Variants in ESRRG observed in about 807,000 individuals in gnomAD.
ESRRG encodes the protein estrogen-related receptor gamma.
In ESRRG, 13 loss-of-function variants were observed where a neutral mutation model predicts 44.0. The ratio of observed to expected loss-of-function variants is 0.30; its 90% CI spans 0.19 to 0.47. ESRRG has a LOEUF of 0.47. Ranked by LOEUF, ESRRG falls within the 20% of genes least tolerant of loss-of-function variation. The pLI is 1.00. For missense variants in ESRRG, 395 were observed against 580.6 expected, an observed-to-expected ratio of 0.68 and a Z score of 3.29; for synonymous variants, 215 against 214.6, an observed-to-expected ratio of 1.00 and a Z score of -0.02.
intron 1 of ESRRG, among the ~76,000 whole-genome samples, chr1:217,068,962 G>T (rs2090175167): frequency 6.6e-6 from 1 of 152,090 alleles, no homozygotes. Context: ...TTTGACTAGT[G>T]GTCTAACTTC....
chr1:216,520,246 G>C (rs1383142728), intron 5 of ESRRG, among the ~76,000 whole-genome samples: 1 of 152,114 alleles, frequency 6.6e-6, no homozygotes, highest in Non-Finnish European at 1.5e-5. Flanking sequence ...AAATTAACTT[G>C]TCTCTTAAAT....
At chr1:217,113,396 A>G (rs181864115) in intron 1 of ESRRG, among the ~76,000 whole-genome samples, 21 of 152,304 alleles carry the variant, frequency 1.4e-4, no homozygotes, top group Admixed American at 2.6e-4. Flanking sequence ...AGGAGTGTTC[A>G]TAGGAGTTAT....
At chr1:216,854,555 A>G (rs2813680) in intron 2 of ESRRG, among the ~76,000 whole-genome samples, 44,815 of 151,790 alleles carry the variant, frequency 0.3, 7,466 homozygotes, top group African/African-American at 0.45. Flanking sequence ...TAAATTTTGT[A>G]GAAAAGCCAG....
chr1:217,133,652 T>C (rs2093003300), intron 1 of ESRRG, among the ~76,000 whole-genome samples: 1 of 62,382 alleles, frequency 1.6e-5, no homozygotes, highest in African/African-American at 8.5e-5. Context: ...TCTCTCTTTC[T>C]TTCTTTCTTT....
chr1:216,777,405 G>T (rs2093655780), intron 2 of ESRRG, among the ~76,000 whole-genome samples: 1 of 152,082 alleles, frequency 6.6e-6, no homozygotes, highest in African/African-American at 2.4e-5. Context: ...ATGAAGAGCT[G>T]CCACAGATAT....
intron 2 of ESRRG, among the ~76,000 whole-genome samples, chr1:216,810,702 ATGTG>A (rs35354364): frequency 5.5e-5 from 8 of 145,396 alleles, no homozygotes; most frequent in Admixed American, 7.0e-5. Context: ...ACAAAAATGG[ATGTG>A]TGTGTGTGTG....
At chr1:216,779,870 C>A (rs895504328) in intron 2 of ESRRG, among the ~76,000 whole-genome samples, 1 of 151,564 alleles carries the variant, frequency 6.6e-6, no homozygotes, top group African/African-American at 2.4e-5. Context: ...TCAGTACTTT[C>A]ATCTGTTCAA....
intron 1 of ESRRG, among the ~76,000 whole-genome samples, chr1:216,966,946 C>T (rs1002908165): frequency 2.0e-5 from 3 of 152,172 alleles, no homozygotes; most frequent in African/African-American, 7.2e-5. Context: ...GCCCTACTTG[C>T]ATCTCATGCC....
chr1:216,614,242 G>T (rs1338012612), intron 3 of ESRRG, among the ~76,000 whole-genome samples: 1 of 152,198 alleles, frequency 6.6e-6, no homozygotes, highest in Admixed American at 6.5e-5. Flanking sequence ...CGCACTTACA[G>T]ATCAAACGGT....
intron 6 of ESRRG, 104 bp from the exon 7 acceptor site, chr1:216,507,287 T>C: frequency 1.3e-6 from 1 of 758,594 alleles, no homozygotes; most frequent in East Asian, 2.9e-5. Flanking sequence ...TTTGAACTTC[T>C]CTGAGCTTGA....
At chr1:217,127,802 G>T (rs2092911263) in intron 1 of ESRRG, among the ~76,000 whole-genome samples, 1 of 152,210 alleles carries the variant, frequency 6.6e-6, no homozygotes, top group Admixed American at 6.5e-5. Context: ...AATCTTGGGA[G>T]AATATCTGGT....
rs116507745 is a variant in ESRRG, at chr1:216,812,102, G to A, written c.-14+127480C>T. Among the ~76,000 whole-genome samples, 610 of 152,224 alleles carry A rather than the reference G, an allele frequency of 4.0e-3. 3 individuals are homozygous for A. The highest frequency in any genetic ancestry group is 0.014 in the African/African-American group (587 of 41,530). ...AACAGTAACAGACTGTCCTTAGAAA[G>A]GTAGGAGGCATAATTACCCTGGAAA... On this transcript the variant is annotated intron_variant, in intron 2 of 7. Transcript: ENST00000359162.
At chr1:217,034,477 G>A (rs1444678526) in intron 1 of ESRRG, among the ~76,000 whole-genome samples, 2 of 152,106 alleles carry the variant, frequency 1.3e-5, no homozygotes, top group Admixed American at 6.6e-5. Context: ...GGATAGGCCC[G>A]GAGGATTTTC....
intron 2 of ESRRG, among the ~76,000 whole-genome samples, chr1:216,801,554 C>T (rs1266784539): frequency 6.6e-6 from 1 of 152,154 alleles, no homozygotes. Context: ...CCTACATGCT[C>T]ACCAAGAGTG....
intron 1 of ESRRG, among the ~76,000 whole-genome samples, chr1:217,103,671 AT>A (rs1407573615): frequency 1.3e-5 from 2 of 151,494 alleles, no homozygotes; most frequent in South Asian, 4.2e-4. Flanking sequence ...AAAATAATTA[AT>A]TAATTAATTA....
intron 4 of ESRRG, 76 bp downstream of exon 4, chr1:216,567,912 T>G: frequency 1.1e-6 from 1 of 908,710 alleles, no homozygotes; most frequent in Non-Finnish European, 1.8e-6. Context: ...GGGATGGGCA[T>G]GCCAAAGCTG....
intron 6 of ESRRG, among the ~76,000 whole-genome samples, chr1:216,516,351 A>C (rs2148867578): frequency 6.6e-6 from 1 of 152,222 alleles, no homozygotes; most frequent in South Asian, 2.1e-4. Context: ...TGGTGTTATA[A>C]GTATTCCTGA....
chr1:216,845,918 G>C (rs146218619), intron 2 of ESRRG, among the ~76,000 whole-genome samples: 140 of 152,182 alleles, frequency 9.2e-4, no homozygotes, highest in African/African-American at 3.2e-3. Flanking sequence ...TGAGAGGAAG[G>C]GAAAGAAAGC....
intron 1 of ESRRG, among the ~76,000 whole-genome samples, chr1:216,977,341 TACACACACACAC>T: frequency 6.9e-6 from 1 of 144,084 alleles, no homozygotes. Context: ...GGAGGATACA[TACACACACACAC>T]ACACACACAC....
Sources: gnomAD v4.1 joint callset for allele counts (sites outside exome capture counted in the v4.1 genomes callset) on GRCh38, gnomAD v4.1.1 for gene constraint, MANE v1.5 for transcripts, NCBI Gene and HGNC (gene_info 2026-07-23, HGNC 2026-07-21) for gene names.